The following LRRC8B variants were observed in gnomAD, a reference collection of about 807,000 sequenced individuals.
The protein encoded by LRRC8B is leucine rich repeat containing 8 VRAC subunit B, also known as volume-regulated anion channel subunit LRRC8B.
In LRRC8B, 23 loss-of-function variants were observed where a neutral mutation model predicts 58.8. That is an observed-to-expected ratio of 0.39 (90% CI 0.28 to 0.55). The LOEUF (loss-of-function observed/expected upper bound fraction) is 0.55, where lower values mean the gene tolerates loss of function less well. LRRC8B is among the 20% of genes least tolerant of loss of function. LRRC8B has a pLI of 0.62. For missense variants in LRRC8B, 694 were observed against 936.0 expected, an observed-to-expected ratio of 0.74 and a Z score of 3.37; for synonymous variants, 359 against 374.1, an observed-to-expected ratio of 0.96 and a Z score of 0.47.
rs778726987 is a variant in LRRC8B, at chr1:89,583,567, A to G, written c.917A>G (p.Tyr306Cys). ...FTGYKRYQCVYSLAEIFKVLA... is the reference protein window; with the variant it reads ...FTGYKRYQCVCSLAEIFKVLA... ...GGATATAAGCGCTACCAGTGTGTCT[A>G]TTCCTTGGCAGAAATCTTTAAGGTC... The change falls in exon 5 of 6, where the codon TAT becomes TGT. Residue 306 changes from tyrosine (Y) to cysteine (C), a missense_variant. By Grantham distance (194) the Tyr-to-Cys change is radical (BLOSUM62 -2). Coordinates refer to ENST00000330947, the MANE Select transcript of LRRC8B (RefSeq NM_001369817.2). The surrounding 1 kb of genome is among the most constrained non-coding windows in gnomAD (Gnocchi z 5.2). 10 of 1,611,358 alleles carry G rather than the reference A, an allele frequency of 6.2e-6. No homozygotes were observed. The highest frequency in any genetic ancestry group is 6.8e-6 in the Non-Finnish European group (8 of 1,180,026).
intron 5 of LRRC8B, among the ~76,000 whole-genome samples, chr1:89,586,899 C>T (rs1654663134): frequency 6.6e-6 from 1 of 152,076 alleles, no homozygotes; most frequent in South Asian, 2.1e-4. Context: ...AGAGGACAGC[C>T]ACCAGGAAGA....
At chr1:89,540,633 T>A (rs1207909167) in intron 1 of LRRC8B, among the ~76,000 whole-genome samples, 1 of 152,154 alleles carries the variant, frequency 6.6e-6, no homozygotes, top group Non-Finnish European at 1.5e-5. Flanking sequence ...GGAGATACAT[T>A]TATATCTCTA....
intron 3 of LRRC8B, among the ~76,000 whole-genome samples, chr1:89,574,602 C>CT (rs201836946): frequency 1.4e-3 from 208 of 151,178 alleles, no homozygotes; most frequent in Middle Eastern, 6.9e-3. Context: ...TTTAACTCCC[C>CT]TTTTTTTTTG....
rs369233809 is a variant in LRRC8B at position 89,585,816 on chromosome 1, A to G, written c.2139+1027A>G. ...CAGAGCGAGACTCTGTCTCAAAAAA[A>G]AAAGAAAGAAAGAAAGAAAGAAAAT... is the stretch of plus-strand genomic sequence containing the variant. On this transcript the variant is annotated intron_variant, in intron 5 of 5. Transcript: ENST00000330947. 9.6e-4 allele frequency among the ~76,000 whole-genome samples: 146 copies of G among 152,246 alleles called. 1 individual carries two copies. The highest frequency in any genetic ancestry group is 3.3e-3 in the African/African-American group (138 of 41,534).
At position 89,584,140 on chromosome 1, in the gene LRRC8B, C is replaced by T. The variant is rs1256483160; in HGVS notation, c.1490C>T (p.Thr497Ile). 1.2e-6 allele frequency: 2 copies of T among 1,613,010 alleles called. No homozygotes were observed. Among genetic ancestry groups the T allele is most frequent in the East Asian group, 2.2e-5 (1 of 44,878 alleles). Residue 497 changes from threonine (T) to isoleucine (I), a missense_variant, in exon 5 of 6, where the codon ACT (threonine) becomes ATT (isoleucine). Thr to Ile is a moderately conservative substitution (Grantham distance 89). Coordinates refer to ENST00000330947, the MANE Select transcript of LRRC8B (RefSeq NM_001369817.2). ...TTAAAAATCCTCCGCCTGAAATTTA[C>T]TGAAATGGGAAAAATCCCACGCTGG... ...ENLKILRLKF[T>I]EMGKIPRWVF...
In LRRC8B at chr1:89,533,245, C is replaced by G. The variant is rs536710362; in HGVS notation, c.-241+8223C>G. ...TAACCCTTTAATGGCTCCCTATGCC[C>G]CAGGATTAAGTCCAAACACCATGGT... On this transcript the variant is annotated intron_variant, in intron 1 of 5. Transcript: ENST00000330947. Among the ~76,000 whole-genome samples the G allele has an allele frequency of 4.6e-5, 7 of 152,322 alleles. No homozygotes were observed. The South Asian group carries it at 1.2e-3, about 27-fold the overall frequency.
At chr1:89,578,766 C>T (rs927169294) in intron 3 of LRRC8B, among the ~76,000 whole-genome samples, 2 of 151,948 alleles carry the variant, frequency 1.3e-5, no homozygotes, top group African/African-American at 4.8e-5. Flanking sequence ...TTCATAGGCA[C>T]TAAAAGATAT....
Position 89,583,355 on chromosome 1 carries a change from A to T in LRRC8B, c.705A>T (p.Lys235Asn), listed in dbSNP as rs1654383850. ...VLDKKEGEQA[K>N]AIFEKVKRFR... ...ACAAGAAGGAGGGTGAACAGGCCAA[A>T]GCCATCTTTGAAAAAGTGAAAAGAT... is the stretch of plus-strand genomic sequence containing the variant. Residue 235 changes from lysine to asparagine, a missense_variant, in exon 5 of 6, where the codon AAA (lysine) becomes AAT (asparagine). This residue lies in a region of LRRC8B where 316 missense variants were observed against 403.8 expected (regional missense o/e 0.78). Transcript: ENST00000330947. The surrounding 1 kb of genome is among the most constrained non-coding windows in gnomAD (Gnocchi z 5.2). 2 of 1,614,116 alleles carry T rather than the reference A, an allele frequency of 1.2e-6. No individual in the cohort carries two copies. The highest frequency in any genetic ancestry group is 2.2e-5 in the South Asian group (2 of 91,090).
At chr1:89,590,499 C>T (rs1252968514) in intron 5 of LRRC8B, among the ~76,000 whole-genome samples, 1 of 152,234 alleles carries the variant, frequency 6.6e-6, no homozygotes, top group Non-Finnish European at 1.5e-5. Context: ...CCTTGACTCA[C>T]TTTCACAGCA....
chr1:89,585,756 C>T (rs1385337245), intron 5 of LRRC8B, among the ~76,000 whole-genome samples: 1 of 151,452 alleles, frequency 6.6e-6, no homozygotes, highest in Non-Finnish European at 1.5e-5. Flanking sequence ...TGCAGTGAGC[C>T]GAGATTCCAC....
chr1:89,583,280 G>A lies in LRRC8B; in HGVS notation c.630G>A (p.Gln210=), dbSNP rs1291230140. The A allele has an allele frequency of 1.9e-6, 3 of 1,614,224 alleles. No individual in the cohort carries two copies. The highest frequency in any genetic ancestry group is 2.7e-5 in the African/African-American group (2 of 75,052). Reference sequence around the variant, plus strand: ...GCAAACAGTCATTGCCCTACCCACAGCCAGGTTTGGAGTCAGCTGGCATAG... The same window carrying A: ...GCAAACAGTCATTGCCCTACCCACAACCAGGTTTGGAGTCAGCTGGCATAG... The part of the protein sequence containing the change: ...DSGKQSLPYP[Q]PGLESAGIES... The change falls in exon 5 of 6, where the codon CAG becomes CAA. Residue 210 remains glutamine, a synonymous_variant. Coordinates refer to ENST00000330947, the MANE Select transcript of LRRC8B (RefSeq NM_001369817.2). The surrounding 1 kb of genome is among the most constrained non-coding windows in gnomAD (Gnocchi z 5.2).
intron 1 of LRRC8B, among the ~76,000 whole-genome samples, chr1:89,534,087 T>G (rs12132046): frequency 0.19 from 28,339 of 152,168 alleles, 3,443 homozygotes; most frequent in South Asian, 0.3. Context: ...AAGTCAAAAT[T>G]TTACGTGGTT....
intron 1 of LRRC8B, among the ~76,000 whole-genome samples, chr1:89,566,118 A>G (rs1210452186): frequency 2.0e-5 from 3 of 152,230 alleles, no homozygotes; most frequent in Non-Finnish European, 2.9e-5. Context: ...AAGCTAACCC[A>G]TGAAAGAGAC....
At position 89,527,775 on chromosome 1, in the gene LRRC8B, G is replaced by A. The variant is rs572485859; in HGVS notation, c.-241+2753G>A. 3.9e-5 allele frequency among the ~76,000 whole-genome samples: 6 copies of A among 152,298 alleles called. No individual in the cohort carries two copies. The East Asian group carries it at 1.2e-3, about 29-fold the overall frequency. ...TTCTGATCATTAAGGTTGATCTTAA[G>A]TAAAATTAGGCCTAGCTCCAATCAC... On this transcript the variant is annotated intron_variant, in intron 1 of 5. Coordinates refer to ENST00000330947, the MANE Select transcript of LRRC8B (RefSeq NM_001369817.2).
At chr1:89,541,861 G>C (rs1347318861) in intron 1 of LRRC8B, among the ~76,000 whole-genome samples, 1 of 151,322 alleles carries the variant, frequency 6.6e-6, no homozygotes, top group South Asian at 2.1e-4. Context: ...CCACATGCCT[G>C]AAGTAGCCAC....
chr1:89,568,771 A>C (rs1377669691), intron 3 of LRRC8B, among the ~76,000 whole-genome samples: 1 of 152,124 alleles, frequency 6.6e-6, no homozygotes, highest in Non-Finnish European at 1.5e-5. Flanking sequence ...TAACAGTAAA[A>C]TCTAAGGAAT....
At chr1:89,559,545 G>C (rs1204287913) in intron 1 of LRRC8B, among the ~76,000 whole-genome samples, 2 of 150,892 alleles carry the variant, frequency 1.3e-5, no homozygotes, top group African/African-American at 4.9e-5. Context: ...AAGGTGGGGT[G>C]CATTGAGCCA....
chr1:89,569,088 T>C (rs1394438852), intron 3 of LRRC8B, among the ~76,000 whole-genome samples: 3 of 152,170 alleles, frequency 2.0e-5, no homozygotes, highest in Non-Finnish European at 4.4e-5. Context: ...GTACACTGTA[T>C]TAAATAGCAC....
At chr1:89,534,493 A>G (rs1650375892) in intron 1 of LRRC8B, among the ~76,000 whole-genome samples, 1 of 150,996 alleles carries the variant, frequency 6.6e-6, no homozygotes, top group Non-Finnish European at 1.5e-5. Flanking sequence ...AAAGTTTTTC[A>G]TTATCATGTC....
Sources: gnomAD v4.1 joint callset for allele counts (sites outside exome capture counted in the v4.1 genomes callset) on GRCh38, gnomAD v4.1.1 for gene constraint, gnomAD v4.1.1 regional missense constraint, Gnocchi (gnomAD v3.1) non-coding constraint, MANE v1.5 for transcripts, NCBI Gene and HGNC (gene_info 2026-07-23, HGNC 2026-07-21) for gene names.